Variants in NCAPG2 observed in about 807,000 individuals in gnomAD.
NCAPG2 encodes non-SMC condensin II complex subunit G2, also known as condensin-2 complex subunit G2.
In NCAPG2, 53 loss-of-function variants were observed where a neutral mutation model predicts 141.1. That is an observed-to-expected ratio of 0.38 (90% CI 0.30 to 0.47). The LOEUF is 0.47. NCAPG2 is among the 20% of genes least tolerant of loss of function. The pLI, the probability that NCAPG2 is intolerant of heterozygous loss-of-function variation, is 0.99. For missense variants in NCAPG2, 1,087 were observed against 1,389.0 expected, an observed-to-expected ratio of 0.78 and a Z score of 3.46; for synonymous variants, 499 against 490.7, an observed-to-expected ratio of 1.02 and a Z score of -0.22.
At chr7:158,640,239 C>T (rs1311418811) in intron 27 of NCAPG2, 1 of 152,040 alleles carries the variant, frequency 6.6e-6, no homozygotes, top group Non-Finnish European at 1.5e-5. Flanking sequence ...GAGAGTATAG[C>T]GAAATGTTTA....
rs1563549335 is a variant in NCAPG2 at position 158,672,292 on chromosome 7, GTATATATA to G, written c.1327-634_1327-627del. Among the ~76,000 whole-genome samples the G allele has an allele frequency of 3.7e-4, 10 of 27,228 alleles. No individual in the cohort carries two copies. The East Asian group carries it at 6.1e-3, about 17-fold the overall frequency. The allele number at this position is 27,228 out of a possible 152,430, so 17.9% of individuals were successfully genotyped here. ...ATTCCAAACACATGTGTGTGTGTGT[GTATATATA>G]TATATATATATATATATATATATAT... On this transcript the variant is annotated intron_variant, in intron 12 of 27. Coordinates refer to ENST00000356309, the MANE Select transcript of NCAPG2 (RefSeq NM_017760.7).
intron 27 of NCAPG2, among the ~76,000 whole-genome samples, chr7:158,632,230 G>T (rs12234511): frequency 6.6e-6 from 1 of 151,786 alleles, no homozygotes; most frequent in Non-Finnish European, 1.5e-5. Flanking sequence ...TCCTCCTCAC[G>T]TCCTCCCCAG....
intron 27 of NCAPG2, among the ~76,000 whole-genome samples, chr7:158,643,093 G>A (rs751367131): frequency 7.9e-5 from 12 of 152,132 alleles, no homozygotes; most frequent in Non-Finnish European, 1.2e-4. Context: ...CTCCCAAGTA[G>A]CTGGAATTAC....
In NCAPG2 at chr7:158,667,347, T is replaced by C. The variant is rs1482954316; in HGVS notation, c.1480-2597A>G. The C allele has an allele frequency of 2.8e-4, 37 of 133,140 alleles. 9 individuals are homozygous for C. In the East Asian group the frequency reaches 0.021, roughly 77 times the overall value. 8.2% of individuals were successfully genotyped at this position (133,140 alleles called of 1,614,324 possible). A position where few individuals can be genotyped will look rare whatever the true frequency, so the allele number is the denominator to read the frequency against. On this transcript the variant is annotated intron_variant, in intron 13 of 27. Transcript: ENST00000356309. Reference sequence around the variant, plus strand: ...TCCCTCCGCTACTGTGTCCCTCCGCTCCTTAGCCACTACCGGATCCCTCCG... The same window carrying C: ...TCCCTCCGCTACTGTGTCCCTCCGCCCCTTAGCCACTACCGGATCCCTCCG...
intron 27 of NCAPG2, chr7:158,640,579 T>G (rs994239367): frequency 2.6e-5 from 4 of 152,016 alleles, no homozygotes; most frequent in African/African-American, 7.2e-5. Context: ...AGAAAAAAAT[T>G]CATCAACTAG....
At chr7:158,674,172 T>G (rs111324169) in intron 12 of NCAPG2, among the ~76,000 whole-genome samples, 1 of 152,102 alleles carries the variant, frequency 6.6e-6, no homozygotes, top group African/African-American at 2.4e-5. Context: ...TATCTTTCTC[T>G]GCAATGAGGA....
At chr7:158,685,720 T>A (rs1834718462) in intron 8 of NCAPG2, among the ~76,000 whole-genome samples, 1 of 152,252 alleles carries the variant, frequency 6.6e-6, no homozygotes, top group South Asian at 2.1e-4. Flanking sequence ...CTTGGTTGAT[T>A]GAATCCATGG....
chr7:158,694,406 A>T (rs1835316450), intron 2 of NCAPG2, among the ~76,000 whole-genome samples: 1 of 152,200 alleles, frequency 6.6e-6, no homozygotes, highest in Non-Finnish European at 1.5e-5. Flanking sequence ...AAGTGGGTGG[A>T]AGCCTGGTGA....
intron 13 of NCAPG2, among the ~76,000 whole-genome samples, chr7:158,669,561 G>A (rs937384832): frequency 6.6e-5 from 10 of 151,726 alleles, no homozygotes; most frequent in Admixed American, 2.0e-4. Context: ...TCAGGAGTTC[G>A]AGACCAGCCT....
At chr7:158,649,994 C>T (rs1022198920) in intron 24 of NCAPG2, among the ~76,000 whole-genome samples, 9 of 152,162 alleles carry the variant, frequency 5.9e-5, no homozygotes, top group Admixed American at 3.9e-4. Context: ...CTACAGCTAC[C>T]GGTAGGAAAA....
chr7:158,657,412 C>T (rs1443928590), intron 17 of NCAPG2, among the ~76,000 whole-genome samples: 2 of 152,226 alleles, frequency 1.3e-5, no homozygotes, highest in Non-Finnish European at 2.9e-5. Flanking sequence ...CCTCCCACAC[C>T]AGGTGCTAAG....
intron 16 of NCAPG2, among the ~76,000 whole-genome samples, chr7:158,660,047 G>A (rs1201135653): frequency 1.3e-5 from 2 of 151,754 alleles, no homozygotes; most frequent in Non-Finnish European, 2.9e-5. Context: ...GGGAGGCGAG[G>A]CTTGCAGCCA....
intron 13 of NCAPG2, among the ~76,000 whole-genome samples, chr7:158,668,743 T>C (rs1192844161): frequency 2.0e-5 from 3 of 152,232 alleles, no homozygotes; most frequent in Non-Finnish European, 2.9e-5. Context: ...CCTTAAAGTC[T>C]ACTTTGTTTT....
intron 3 of NCAPG2, 79 bp from the exon 4 acceptor site, chr7:158,693,035 A>C: frequency 9.5e-7 from 1 of 1,053,904 alleles, no homozygotes; most frequent in South Asian, 1.5e-5. Flanking sequence ...TTCAGTTACA[A>C]ATTTTCTAAA....
chr7:158,688,425 C>G (rs1008636404), intron 6 of NCAPG2, among the ~76,000 whole-genome samples: 2 of 152,246 alleles, frequency 1.3e-5, no homozygotes, highest in African/African-American at 4.8e-5. Context: ...GATTCATCAA[C>G]TCCTTATGTA....
At chr7:158,646,922 G>T (rs2129457786) in intron 24 of NCAPG2, among the ~76,000 whole-genome samples, 1 of 152,098 alleles carries the variant, frequency 6.6e-6, no homozygotes, top group East Asian at 1.9e-4. Flanking sequence ...CCAGCTACTT[G>T]GGAGACTGAG....
intron 6 of NCAPG2, among the ~76,000 whole-genome samples, chr7:158,689,389 G>A (rs993316988): frequency 3.3e-5 from 5 of 152,040 alleles, no homozygotes; most frequent in Admixed American, 6.6e-5. Flanking sequence ...ACCCCAGGAC[G>A]GGCAGTGCAG....
chr7:158,686,965 G>A (rs1466220842), intron 7 of NCAPG2, among the ~76,000 whole-genome samples: 1 of 152,168 alleles, frequency 6.6e-6, no homozygotes, highest in African/African-American at 2.4e-5. Flanking sequence ...AGTCATGACT[G>A]CAACGTTCCC....
chr7:158,670,837 A>T (rs1833638848), intron 13 of NCAPG2, among the ~76,000 whole-genome samples: 1 of 152,168 alleles, frequency 6.6e-6, no homozygotes, highest in South Asian at 2.1e-4. Flanking sequence ...TGGCGTTATC[A>T]GTCTGTTTCT....
Sources: gnomAD v4.1 joint callset for allele counts (sites outside exome capture counted in the v4.1 genomes callset) on GRCh38, gnomAD v4.1.1 for gene constraint, MANE v1.5 for transcripts, NCBI Gene and HGNC (gene_info 2026-07-23, HGNC 2026-07-21) for gene names.